The following MTX2 variants were observed in gnomAD, a reference collection of about 807,000 sequenced individuals.
The protein encoded by MTX2 is metaxin-2.
Under a neutral mutation model 42.3 loss-of-function variants are expected in MTX2, and 35 were observed. That is an observed-to-expected ratio of 0.83 (90% CI 0.63 to 1.10). The LOEUF (loss-of-function observed/expected upper bound fraction) is 1.10, where lower values mean the gene tolerates loss of function less well. Ranked by LOEUF, MTX2 falls within the 50% of genes least tolerant of loss-of-function variation. The pLI is 0.00. For synonymous variants in MTX2, 119 were observed against 100.9 expected (o/e 1.18, Z -1.08); for missense variants, 307 against 304.1 (o/e 1.01, Z -0.07).
intron 1 of MTX2, among the ~76,000 whole-genome samples, chr2:176,288,811 A>G (rs897444209): frequency 3.3e-5 from 5 of 151,972 alleles, no homozygotes; most frequent in African/African-American, 9.7e-5. Context: ...TCAAGAAGGC[A>G]GAACTTAAAG....
At chr2:176,337,042 T>C (rs999936159) in intron 9 of MTX2, among the ~76,000 whole-genome samples, 1 of 152,182 alleles carries the variant, frequency 6.6e-6, no homozygotes, top group Admixed American at 6.5e-5. Flanking sequence ...CCGTATATTT[T>C]AAATCATCTT....
intron 1 of MTX2, among the ~76,000 whole-genome samples, chr2:176,274,532 A>G (rs1279493658): frequency 6.6e-6 from 1 of 152,184 alleles, no homozygotes; most frequent in African/African-American, 2.4e-5. Context: ...GTACCAGGAT[A>G]TCTATTTCTC....
chr2:176,326,118 C>G (rs1169084384), intron 4 of MTX2, among the ~76,000 whole-genome samples: 2 of 151,740 alleles, frequency 1.3e-5, no homozygotes, highest in Non-Finnish European at 3.0e-5. Flanking sequence ...TCTCTCATCT[C>G]TAATAATTCC....
At chr2:176,333,051 A>G (rs763376386) in intron 9 of MTX2, among the ~76,000 whole-genome samples, 35 of 151,670 alleles carry the variant, frequency 2.3e-4, no homozygotes, top group Non-Finnish European at 3.6e-4. Flanking sequence ...AAAAAATAGT[A>G]GATAACCAAC....
chr2:176,278,364 T>G (rs1454031651), intron 1 of MTX2, among the ~76,000 whole-genome samples: 1 of 152,136 alleles, frequency 6.6e-6, no homozygotes, highest in African/African-American at 2.4e-5. Flanking sequence ...ACTAAATTCT[T>G]AACAGCAATA....
chr2:176,294,212 T>C (rs1683786386), intron 1 of MTX2, among the ~76,000 whole-genome samples: 1 of 152,146 alleles, frequency 6.6e-6, no homozygotes, highest in South Asian at 2.1e-4. Context: ...TTGCAAACTT[T>C]CTATTACTTT....
chr2:176,313,388 CTTT>C (rs1207416607), intron 3 of MTX2, among the ~76,000 whole-genome samples: 6 of 103,508 alleles, frequency 5.8e-5, no homozygotes, highest in African/African-American at 1.2e-4. Flanking sequence ...TACACTGATT[CTTT>C]TTTTTTTTTT....
intron 3 of MTX2, among the ~76,000 whole-genome samples, chr2:176,319,685 C>G (rs993072397): frequency 6.6e-6 from 1 of 151,986 alleles, no homozygotes; most frequent in African/African-American, 2.4e-5. Flanking sequence ...AAGTGATTCT[C>G]CTGCCTCACC....
intron 4 of MTX2, among the ~76,000 whole-genome samples, chr2:176,323,712 T>C (rs1226591526): frequency 6.6e-6 from 1 of 151,764 alleles, no homozygotes; most frequent in Non-Finnish European, 1.5e-5. Context: ...GGGAATTGTT[T>C]TAAATAGTAA....
intron 3 of MTX2, among the ~76,000 whole-genome samples, chr2:176,322,462 T>G (rs968485721): frequency 6.6e-6 from 1 of 152,094 alleles, no homozygotes; most frequent in African/African-American, 2.4e-5. Context: ...TTAGAACCAT[T>G]GTAACTTATG....
rs571917919 is a variant in MTX2, at chr2:176,269,729, G to T, written c.40+60G>T. The stretch of plus-strand genomic sequence containing the variant: ...GCGCGGTCTCGGGGAGCCGCGTGGG[G>T]TACAGGGCTGGAGCTTTCCTCCAGC... On this transcript the variant is annotated intron_variant, in intron 1 of 9. Coordinates refer to ENST00000249442, the MANE Select transcript of MTX2 (RefSeq NM_006554.5). The T allele has an allele frequency of 8.6e-5, 133 of 1,537,774 alleles. 1 individual carries two copies. In the South Asian group the frequency reaches 1.5e-3, roughly 17 times the overall value.
intron 1 of MTX2, among the ~76,000 whole-genome samples, chr2:176,289,968 C>G (rs775257731): frequency 6.6e-6 from 1 of 151,792 alleles, no homozygotes; most frequent in African/African-American, 2.4e-5. Flanking sequence ...TAGGAATTTA[C>G]CTACTAGAAA....
At chr2:176,269,773 G>C in intron 1 of MTX2, 104 bp downstream of exon 1, 1 of 1,356,038 alleles carries the variant, frequency 7.4e-7, no homozygotes, top group East Asian at 2.8e-5. Context: ...ATTATACGCT[G>C]AACCCGGCCC....
chr2:176,292,107 TC>T (rs1693342396), intron 1 of MTX2, among the ~76,000 whole-genome samples: 1 of 152,184 alleles, frequency 6.6e-6, no homozygotes, highest in African/African-American at 2.4e-5. Flanking sequence ...ACAACTTTCT[TC>T]CTCAGCCTCC....
At chr2:176,326,947 C>G in intron 5 of MTX2, 46 bp downstream of exon 5, 2 of 1,164,746 alleles carry the variant, frequency 1.7e-6, no homozygotes, top group Non-Finnish European at 2.5e-6. Context: ...CCAAGTCATT[C>G]ATCATTCTTT....
At chr2:176,335,833 C>T (rs965458128) in intron 9 of MTX2, among the ~76,000 whole-genome samples, 3 of 152,052 alleles carry the variant, frequency 2.0e-5, no homozygotes, top group Non-Finnish European at 2.9e-5. Context: ...TCCTGCTCCA[C>T]AGATACTCCA....
At chr2:176,295,068 T>C (rs986826907) in intron 1 of MTX2, among the ~76,000 whole-genome samples, 2 of 152,158 alleles carry the variant, frequency 1.3e-5, no homozygotes, top group Non-Finnish European at 2.9e-5. Context: ...AATATCTTCT[T>C]TCTTTCTACA....
chr2:176,305,449 T>TAC (rs1248871349), intron 3 of MTX2, among the ~76,000 whole-genome samples: 3 of 152,244 alleles, frequency 2.0e-5, no homozygotes, highest in African/African-American at 7.2e-5. Flanking sequence ...ACAAGAATTG[T>TAC]TCTTTCTGTA....
intron 1 of MTX2, among the ~76,000 whole-genome samples, chr2:176,282,415 C>T (rs1693101986): frequency 6.6e-6 from 1 of 151,970 alleles, no homozygotes; most frequent in African/African-American, 2.4e-5. Flanking sequence ...CCTCCGTTTC[C>T]TCAAACTGCA....
Sources: gnomAD v4.1 joint callset for allele counts (sites outside exome capture counted in the v4.1 genomes callset) on GRCh38, gnomAD v4.1.1 for gene constraint, MANE v1.5 for transcripts, NCBI Gene and HGNC (gene_info 2026-07-23, HGNC 2026-07-21) for gene names.